The following GRIPAP1 variants were observed in gnomAD, a reference collection of about 807,000 sequenced individuals.
GRIPAP1 encodes GRIP1 associated protein 1.
In GRIPAP1, 14 loss-of-function variants were observed where a neutral mutation model predicts 84.1. The ratio of observed to expected loss-of-function variants is 0.17; its 90% CI spans 0.11 to 0.26. The LOEUF (loss-of-function observed/expected upper bound fraction) is 0.26, where lower values mean the gene tolerates loss of function less well. Ranked by LOEUF, GRIPAP1 falls within the 10% of genes least tolerant of loss-of-function variation. The probability of loss-of-function intolerance (pLI) is 1.00; values close to 1 mark genes in which losing one functional copy is unlikely to be tolerated. For synonymous variants in GRIPAP1, 261 were observed against 256.8 expected (o/e 1.02, Z -0.15); for missense variants, 518 against 674.2 (o/e 0.77, Z 2.57).
At chrX:48,976,501 T>C in intron 22 of GRIPAP1, 138 bp from the exon 23 acceptor site, 1 of 723,928 alleles carries the variant, frequency 1.4e-6, no homozygotes, top group East Asian at 3.5e-5. Flanking sequence ...TGTTGGCCCA[T>C]CTTGGTACCC....
chrX:48,996,056 C>T lies in GRIPAP1; in HGVS notation c.306+1194G>A, dbSNP rs1436612614. Among the ~76,000 whole-genome samples, 6 of 111,929 alleles carry T rather than the reference C, an allele frequency of 5.4e-5. No individual in the cohort carries two copies. In the East Asian group the frequency reaches 1.7e-3, roughly 31 times the overall value. On this transcript the variant is annotated intron_variant, in intron 5 of 25. Transcript: ENST00000376423. ...TCCTCACAAAAGCCCTGTGAAGAGG[C>T]AGGTACTGTTATTATCATGACTTCC... is the stretch of plus-strand genomic sequence containing the variant.
chrX:48,995,028 A>G (rs1354411961), intron 5 of GRIPAP1, among the ~76,000 whole-genome samples: 1 of 112,087 alleles, frequency 8.9e-6, no homozygotes, highest in Non-Finnish European at 1.9e-5. Flanking sequence ...AGTGGAGATC[A>G]TTCTGTGCTG....
chrX:48,996,643 CA>C (rs1403023519), intron 5 of GRIPAP1, among the ~76,000 whole-genome samples: 1 of 111,826 alleles, frequency 8.9e-6, no homozygotes, highest in Non-Finnish European at 1.9e-5. Context: ...AACTCCATCT[CA>C]AAAAAATTTG....
At chrX:48,997,221 TC>T (rs1306549701) in intron 5 of GRIPAP1, 28 bp downstream of exon 5, 6 of 837,667 alleles carry the variant, frequency 7.2e-6, no homozygotes, top group Non-Finnish European at 1.0e-5. Flanking sequence ...ACCCCTCATT[TC>T]CCCTTTGACT....
Position 48,993,513 on chromosome X carries a change from T to G in GRIPAP1, c.372A>C (p.Ala124=). The change falls in exon 6 of 26, where the codon GCA becomes GCC. Residue 124 remains alanine, a synonymous_variant. Transcript: ENST00000376423. The part of the protein sequence containing the change: ...NQQLKEGAAG[A]GVAQAGPLVD... ...CGAGGGGCCCAGCTTGGGCAACCCC[T>G]GCTCCTGCAGCCCCCTCCTTCAGTT... The G allele has an allele frequency of 8.4e-7, 1 of 1,191,495 alleles. No homozygotes were observed. Among genetic ancestry groups the G allele is most frequent in the Non-Finnish European group, 1.1e-6 (1 of 884,250 alleles).
chrX:49,002,028 AAT>A (rs1391093679), intron 1 of GRIPAP1, among the ~76,000 whole-genome samples, 158 bp downstream of exon 1: 2 of 110,341 alleles, frequency 1.8e-5, no homozygotes, highest in Admixed American at 9.7e-5. Context: ...CTCGGAATCC[AAT>A]AGTCTCACCA....
At chrX:48,988,565 G>A in intron 11 of GRIPAP1, 1 of 185,874 alleles carries the variant, frequency 5.4e-6, no homozygotes, top group Non-Finnish European at 1.0e-5. Flanking sequence ...GATGTAGTCA[G>A]CACCCAAGGA....
chrX:49,002,220 C>A lies in GRIPAP1; in HGVS notation c.10G>T (p.Ala4Ser), dbSNP rs782281062. Residue 4 changes from alanine to serine, a missense_variant, in exon 1 of 26, where the codon GCT (alanine) becomes TCT (serine). Transcript: ENST00000376423. MAQ[A>S]LSEEEFQRMQ... ...CGCTGAAACTCCTCCTCAGACAGAG[C>A]TTGCGCCATGTTCCTCCCCCCACCC... 7.8e-5 allele frequency: 91 copies of A among 1,162,379 alleles called. No homozygotes were observed. Among genetic ancestry groups the A allele is most frequent in the Non-Finnish European group, 9.4e-5 (81 of 857,719 alleles).
At chrX:48,989,741 C>G in intron 10 of GRIPAP1, 31 bp from the exon 11 acceptor site, 1 of 1,132,334 alleles carries the variant, frequency 8.8e-7, no homozygotes, top group Non-Finnish European at 1.2e-6. Flanking sequence ...GTGTGTTGGA[C>G]ATGGCTTGAG....
At chrX:48,997,101 G>GC (rs1557066921) in intron 5 of GRIPAP1, 149 bp downstream of exon 5, 4 of 444,622 alleles carry the variant, frequency 9.0e-6, no homozygotes, top group Admixed American at 3.8e-5. Context: ...TCAAATTACT[G>GC]CCCCCCAGCA....
At position 48,986,327 on chromosome X, in the gene GRIPAP1, T is replaced by C. The variant is rs1602472593; in HGVS notation, c.1042-925A>G. On this transcript the variant is annotated intron_variant, in intron 13 of 25. Coordinates refer to ENST00000376423, the MANE Select transcript of GRIPAP1 (RefSeq NM_020137.5). Reference sequence around the variant, plus strand: ...ACTTTGGAAGGCCGAGGTGGGAAGATAGCTTGAGGCCAGAAGTTTAAGCCA... The same window carrying C: ...ACTTTGGAAGGCCGAGGTGGGAAGACAGCTTGAGGCCAGAAGTTTAAGCCA... 4.5e-5 allele frequency among the ~76,000 whole-genome samples: 5 copies of C among 110,228 alleles called. No homozygotes were observed. In the South Asian group the frequency reaches 1.6e-3, roughly 34 times the overall value.
chrX:48,975,903 T>C (rs1405850247), intron 24 of GRIPAP1, 115 bp downstream of exon 24: 1 of 580,223 alleles, frequency 1.7e-6, no homozygotes, highest in Non-Finnish European at 2.9e-6. Context: ...GCCATGGTCT[T>C]GTCAGTAGCT....
intron 13 of GRIPAP1, among the ~76,000 whole-genome samples, chrX:48,985,841 G>T (rs781964658): frequency 2.3e-3 from 251 of 110,573 alleles, no homozygotes; most frequent in African/African-American, 7.9e-3. Context: ...TGGCTATGGT[G>T]GCGGGGAGAG....
chrX:48,983,978 T>A (rs1557063023), intron 14 of GRIPAP1, 108 bp from the exon 15 acceptor site: 2 of 539,518 alleles, frequency 3.7e-6, no homozygotes, highest in Non-Finnish European at 6.7e-6. Flanking sequence ...AAAGTTGGTA[T>A]TGTGATCTCA....
Position 48,983,427 on chromosome X carries a change from C to T in GRIPAP1, c.1286G>A (p.Arg429Gln), listed in dbSNP as rs1557062819. Residue 429 changes from arginine to glutamine, a missense_variant, in exon 16 of 26, where the codon CGG becomes CAG. This residue lies in a region of GRIPAP1 where 372 missense variants were observed against 458.1 expected (regional missense o/e 0.81). Coordinates refer to ENST00000376423, the MANE Select transcript of GRIPAP1 (RefSeq NM_020137.5). Reference protein sequence around the residue: ...LQEARKSAEKRKAMLDELAME... With the variant: ...LQEARKSAEKQKAMLDELAME... ...TGCTAGCTCATCCAGCATGGCCTTC[C>T]GCTTCTCCGCACTCTGGGGGCCAGG... 5.8e-6 allele frequency: 7 copies of T among 1,207,309 alleles called. No homozygotes were observed. Among genetic ancestry groups the T allele is most frequent in the East Asian group, 3.0e-5 (1 of 33,733 alleles).
In GRIPAP1 at chrX:48,974,246, T is replaced by C; in HGVS notation, c.2473A>G (p.Lys825Glu). The C allele has an allele frequency of 8.3e-7, 1 of 1,208,415 alleles. No individual in the cohort carries two copies. Among genetic ancestry groups the C allele is most frequent in the Non-Finnish European group, 1.1e-6 (1 of 892,630 alleles). ...VLSQEIVRLSKECVGPPDPDL... is the reference protein window; with the variant it reads ...VLSQEIVRLSEECVGPPDPDL... ...GGGTCAGGAGGCCCCACGCACTCCT[T>C]GCTGAGCCGCACAATTTCCTGGGAC... The change falls in exon 26 of 26, where the codon AAG becomes GAG. Residue 825 changes from lysine to glutamate, a missense_variant. Lys to Glu is a moderately conservative substitution (Grantham distance 56, BLOSUM62 1). This residue lies in a region of GRIPAP1 where 30 missense variants were observed against 23.8 expected (regional missense o/e 1.26). Transcript: ENST00000376423.
chrX:48,979,337 C>T (rs1378275823), intron 21 of GRIPAP1, among the ~76,000 whole-genome samples: 2 of 104,885 alleles, frequency 1.9e-5, no homozygotes, highest in Non-Finnish European at 3.9e-5. Context: ...ATTAGGTGGG[C>T]GTGGTGGCGG....
intron 3 of GRIPAP1, 32 bp downstream of exon 3, chrX:48,999,206 G>A: frequency 9.1e-7 from 1 of 1,104,797 alleles, no homozygotes; most frequent in Non-Finnish European, 1.3e-6. Flanking sequence ...AAGGGTGGAT[G>A]GGTAGGTGGA....
chrX:48,992,546 A>G (rs1282214496), intron 6 of GRIPAP1, among the ~76,000 whole-genome samples: 1 of 111,970 alleles, frequency 8.9e-6, no homozygotes, highest in African/African-American at 3.2e-5. Flanking sequence ...AGCCCCACCC[A>G]TAGCCCTTGA....
Sources: allele counts gnomAD v4.1 joint callset (sites outside exome capture counted in the v4.1 genomes callset), GRCh38; gene constraint gnomAD v4.1.1; regional missense constraint gnomAD v4.1.1; transcripts MANE v1.5; gene names NCBI Gene and HGNC (gene_info 2026-07-23, HGNC 2026-07-21).